Variants in FAM186A observed in about 807,000 individuals in gnomAD.
FAM186A encodes the protein protein FAM186A.
In FAM186A, 163 loss-of-function variants were observed where a neutral mutation model predicts 216.8. The observed-to-expected ratio is 0.75, with a 90% CI of 0.66 to 0.86. The LOEUF (loss-of-function observed/expected upper bound fraction) is 0.86. FAM186A is among the 40% of genes least tolerant of loss of function. The pLI is 0.00. For missense variants in FAM186A, 2,184 were observed against 2,746.2 expected (o/e 0.80, Z 4.58); for synonymous variants, 805 against 1,025.3 (o/e 0.79, Z 4.10).
intron 1 of FAM186A, among the ~76,000 whole-genome samples, chr12:50,366,540 G>A (rs766106450): frequency 2.7e-5 from 4 of 147,510 alleles, no homozygotes; most frequent in Non-Finnish European, 5.9e-5. Flanking sequence ...TATACACCAC[G>A]ATCAAGTGAG....
intron 3 of FAM186A, among the ~76,000 whole-genome samples, chr12:50,356,987 A>G (rs182322375): frequency 3.0e-3 from 459 of 152,144 alleles, no homozygotes; most frequent in Non-Finnish European, 5.0e-3. Flanking sequence ...TAAAAGAGTG[A>G]GACTTCGTCT....
chr12:50,345,985 G>A (rs1249927399), intron 4 of FAM186A, among the ~76,000 whole-genome samples: 3 of 116,114 alleles, frequency 2.6e-5, no homozygotes, highest in South Asian at 5.9e-4. Context: ...GGACAAGAGC[G>A]AGACTTTGCC....
intron 4 of FAM186A, among the ~76,000 whole-genome samples, chr12:50,342,304 C>G (rs1942771166): frequency 1.3e-5 from 2 of 148,366 alleles, no homozygotes; most frequent in Non-Finnish European, 3.0e-5. Context: ...AGACTCTTGT[C>G]TTAAAAAAAA....
chr12:50,330,732 A>G lies in FAM186A; in HGVS notation c.6875T>C (p.Ile2292Thr). ...TGAAGTGGACAGATCAACATTCCAG[A>G]TGGCCTCTGTCTGGTCCTCTTGTTG... ...FRQQEDQTEA[I>T]WNVDLSTSSY... The change falls in exon 7 of 8, where the codon ATC becomes ACC. Residue 2292 changes from isoleucine to threonine, a missense_variant. By Grantham distance (89) the Ile-to-Thr change is moderately conservative. Coordinates refer to ENST00000327337, the MANE Select transcript of FAM186A (RefSeq NM_001145475.3). 6.5e-7 allele frequency: 1 copy of G among 1,532,948 alleles called. No homozygotes were observed. The highest frequency in any genetic ancestry group is 8.8e-7 in the Non-Finnish European group (1 of 1,141,156). 95.0% of individuals were successfully genotyped at this position (1,532,948 alleles called of 1,614,324 possible).
rs370881076 is a variant in FAM186A, at chr12:50,388,044, T to C, written c.192+8249A>G. On this transcript the variant is annotated intron_variant, in intron 1 of 7. Transcript: ENST00000327337. Reference sequence around the variant, plus strand: ...TGTAAGCTCTCCAAACCCTGTCCTTTGGGTTTGTATGGAGGTTTGATTACA... The same window carrying C: ...TGTAAGCTCTCCAAACCCTGTCCTTCGGGTTTGTATGGAGGTTTGATTACA... 5.9e-5 allele frequency among the ~76,000 whole-genome samples: 9 copies of C among 152,278 alleles called. No homozygotes were observed. In the East Asian group the frequency reaches 1.5e-3, roughly 26 times the overall value.
intron 2 of FAM186A, 57 bp downstream of exon 2, chr12:50,363,088 C>A: frequency 2.9e-6 from 4 of 1,362,882 alleles, no homozygotes; most frequent in African/African-American, 1.5e-5. Context: ...CTTATATATT[C>A]TCTTCTCTTT....
At chr12:50,379,881 T>C (rs2136104716) in intron 1 of FAM186A, among the ~76,000 whole-genome samples, 1 of 152,284 alleles carries the variant, frequency 6.6e-6, no homozygotes, top group Non-Finnish European at 1.5e-5. Flanking sequence ...ATGAATCTAC[T>C]CATTTGTGCA....
At chr12:50,377,025 A>G (rs1171333803) in intron 1 of FAM186A, among the ~76,000 whole-genome samples, 1 of 152,130 alleles carries the variant, frequency 6.6e-6, no homozygotes, top group Non-Finnish European at 1.5e-5. Context: ...TTGGGATTAT[A>G]GGCATGAGCC....
chr12:50,327,310 A>C lies in FAM186A; in HGVS notation c.*73T>G. The C allele has an allele frequency of 7.9e-7, 1 of 1,265,038 alleles. No individual in the cohort carries two copies. The highest frequency in any genetic ancestry group is 1.1e-6 in the Non-Finnish European group (1 of 886,904). The allele number at this position is 1,265,038 out of a possible 1,614,324, so 78.4% of individuals were successfully genotyped here. On this transcript the variant is annotated 3_prime_UTR_variant, in exon 8 of 8. Coordinates refer to ENST00000327337, the MANE Select transcript of FAM186A (RefSeq NM_001145475.3). ...AAGACAAAGCAATATATACGCATGA[A>C]AGAGAACAAAATAGGCATTTTACTG...
rs1005211252 is a variant in FAM186A, at chr12:50,354,588, T to C, written c.2244A>G (p.Lys748=). The change falls in exon 4 of 8, where the codon AAA becomes AAG. Residue 748 remains lysine (K), a synonymous_variant. Transcript: ENST00000327337. ...DTKKEEQVGE[K]PIKQKKVVSF... is the part of the protein sequence containing the mutation. ...AGACTACCTTTTTTTGTTTTATAGG[T>C]TTCTCTCCAACTTGTTCTTCCTTTT... 5 of 1,550,228 alleles carry C rather than the reference T, an allele frequency of 3.2e-6. No individual in the cohort carries two copies. The highest frequency in any genetic ancestry group is 4.4e-6 in the Non-Finnish European group (5 of 1,146,690).
At chr12:50,336,339 A>G (rs1306996663) in intron 4 of FAM186A, among the ~76,000 whole-genome samples, 1 of 152,072 alleles carries the variant, frequency 6.6e-6, no homozygotes, top group African/African-American at 2.4e-5. Context: ...TGTTTTTTCT[A>G]ATGTCCCATA....
At chr12:50,329,843 G>T (rs35878271) in intron 7 of FAM186A, among the ~76,000 whole-genome samples, 48,806 of 151,930 alleles carry the variant, frequency 0.32, 8,120 homozygotes, top group South Asian at 0.48. Context: ...CGATCCACCC[G>T]CCTCGGCCTC....
At chr12:50,357,516 A>AAG (rs34608690) in intron 3 of FAM186A, among the ~76,000 whole-genome samples, 76,552 of 142,270 alleles carry the variant, frequency 0.54, 22,295 homozygotes, top group Non-Finnish European at 0.63. Flanking sequence ...AAAAAAAAAA[A>AAG]AAGACACACA....
At chr12:50,390,350 C>T (rs1943346102) in intron 1 of FAM186A, among the ~76,000 whole-genome samples, 1 of 152,124 alleles carries the variant, frequency 6.6e-6, no homozygotes, top group South Asian at 2.1e-4. Context: ...CCTGTTCACT[C>T]AAGGAGCTCT....
intron 4 of FAM186A, among the ~76,000 whole-genome samples, chr12:50,338,326 C>T (rs1048186934): frequency 2.0e-5 from 3 of 152,196 alleles, no homozygotes; most frequent in South Asian, 2.1e-4. Flanking sequence ...CTCAGCCTCC[C>T]GAGTAGCTAA....
chr12:50,329,137 T>A (rs1038259690), intron 7 of FAM186A, among the ~76,000 whole-genome samples: 1 of 151,872 alleles, frequency 6.6e-6, no homozygotes, highest in Non-Finnish European at 1.5e-5. Context: ...AATAAATAAA[T>A]AAAAATAAAA....
At position 50,352,446 on chromosome 12, in the gene FAM186A, C is replaced by G; in HGVS notation, c.4386G>C (p.Gln1462His). 6.6e-7 allele frequency: 1 copy of G among 1,512,096 alleles called. No homozygotes were observed. The highest frequency in any genetic ancestry group is 2.1e-5 in the Admixed American group (1 of 48,402). The allele number at this position is 1,512,096 out of a possible 1,614,324, so 93.7% of individuals were successfully genotyped here. The change falls in exon 4 of 8, where the codon CAG becomes CAC. Residue 1462 changes from glutamine to histidine, a missense_variant. By Grantham distance (24) the Gln-to-His change is conservative (BLOSUM62 0). Coordinates refer to ENST00000327337, the MANE Select transcript of FAM186A (RefSeq NM_001145475.3). ...GAGGGATCCCCAATTCCTGAGCCTG[C>G]TGAGGGGTGAGAGTGATCCCCAGCT... ...AQELGITLTPQQAQELGIPLT... is the reference protein window; with the variant it reads ...AQELGITLTPHQAQELGIPLT...
intron 1 of FAM186A, among the ~76,000 whole-genome samples, chr12:50,374,434 C>T (rs968062762): frequency 3.3e-5 from 5 of 151,900 alleles, no homozygotes; most frequent in African/African-American, 1.2e-4. Context: ...AAACAATATC[C>T]TTAAAAAATA....
At chr12:50,385,906 A>T (rs1943299105) in intron 1 of FAM186A, among the ~76,000 whole-genome samples, 1 of 152,062 alleles carries the variant, frequency 6.6e-6, no homozygotes, top group Non-Finnish European at 1.5e-5. Context: ...CATCTCAAAA[A>T]AAAAAAAAGA....
Sources: allele counts gnomAD v4.1 joint callset (sites outside exome capture counted in the v4.1 genomes callset), GRCh38; gene constraint gnomAD v4.1.1; transcripts MANE v1.5; gene names NCBI Gene and HGNC (gene_info 2026-07-23, HGNC 2026-07-21).